The following CREB3L2 variants were observed in gnomAD, a reference collection of about 807,000 sequenced individuals.
The protein encoded by CREB3L2 is cyclic AMP-responsive element-binding protein 3-like protein 2.
In CREB3L2, 23 loss-of-function variants were observed where a neutral mutation model predicts 57.2. The observed-to-expected ratio is 0.40, with a 90% CI of 0.29 to 0.57. CREB3L2 has a LOEUF of 0.57. Ranked by LOEUF, CREB3L2 falls within the 20% of genes least tolerant of loss-of-function variation. The pLI, the probability that CREB3L2 is intolerant of heterozygous loss-of-function variation, is 0.42. For missense variants in CREB3L2, 628 were observed against 634.7 expected, an observed-to-expected ratio of 0.99 and a Z score of 0.11; for synonymous variants, 268 against 265.1, an observed-to-expected ratio of 1.01 and a Z score of -0.11.
intron 1 of CREB3L2, among the ~76,000 whole-genome samples, chr7:137,978,615 G>A (rs1312016298): frequency 6.6e-6 from 1 of 152,152 alleles, no homozygotes; most frequent in East Asian, 1.9e-4. Flanking sequence ...TGGTGAGTGG[G>A]AAAAGAACGT....
intron 4 of CREB3L2, among the ~76,000 whole-genome samples, chr7:137,909,154 C>T (rs1799955277): frequency 6.6e-6 from 1 of 152,196 alleles, no homozygotes; most frequent in South Asian, 2.1e-4. Flanking sequence ...GAGCAATGTG[C>T]GTGGTCATGC....
chr7:137,912,494 G>C (rs1754952868), intron 4 of CREB3L2, among the ~76,000 whole-genome samples: 1 of 151,938 alleles, frequency 6.6e-6, no homozygotes, highest in Non-Finnish European at 1.5e-5. Flanking sequence ...AATAGAGAGG[G>C]GGCTCCTTGC....
chr7:137,968,685 C>T (rs1801450471), intron 1 of CREB3L2, among the ~76,000 whole-genome samples: 1 of 152,158 alleles, frequency 6.6e-6, no homozygotes, highest in African/African-American at 2.4e-5. Context: ...ATCCTCTCAG[C>T]CTCACACTGT....
rs886528108 is a variant in CREB3L2, at chr7:137,878,458, T to C, written c.*2018A>G. On this transcript the variant is annotated 3_prime_UTR_variant, in exon 12 of 12. Coordinates refer to ENST00000330387, the MANE Select transcript of CREB3L2 (RefSeq NM_194071.4). ...TGACAGTTTAAAAGAGAGGGATGGG[T>C]CAGTGGAGGCCCATGGTTACCAGAC... 12 of 232,910 alleles carry C rather than the reference T, an allele frequency of 5.2e-5. No homozygotes were observed. The highest frequency in any genetic ancestry group is 2.4e-4 in the African/African-American group (11 of 45,274). 14.4% of individuals were successfully genotyped at this position (232,910 alleles called of 1,614,324 possible). A position where few individuals can be genotyped will look rare whatever the true frequency, so the allele number is the denominator to read the frequency against.
At chr7:137,951,685 A>C (rs1219596701) in intron 1 of CREB3L2, among the ~76,000 whole-genome samples, 1 of 152,230 alleles carries the variant, frequency 6.6e-6, no homozygotes, top group Non-Finnish European at 1.5e-5. Context: ...AAAGACTGTA[A>C]GAAACACACA....
intron 1 of CREB3L2, among the ~76,000 whole-genome samples, chr7:137,965,027 AGG>A (rs1801386996): frequency 6.6e-6 from 1 of 152,166 alleles, no homozygotes; most frequent in Non-Finnish European, 1.5e-5. Context: ...ACCCAGACTC[AGG>A]TATGTCTTTA....
intron 1 of CREB3L2, among the ~76,000 whole-genome samples, chr7:137,943,744 C>G (rs571707210): frequency 3.9e-5 from 6 of 152,120 alleles, no homozygotes; most frequent in Non-Finnish European, 7.4e-5. Context: ...TTGATATTGT[C>G]GATGAGATGA....
intron 1 of CREB3L2, among the ~76,000 whole-genome samples, chr7:137,973,988 C>T (rs1801562282): frequency 6.6e-6 from 1 of 151,640 alleles, no homozygotes; most frequent in South Asian, 2.1e-4. Context: ...GCACAGGGAA[C>T]CTATCAGAGG....
intron 1 of CREB3L2, among the ~76,000 whole-genome samples, chr7:137,973,574 G>C (rs894525453): frequency 6.6e-6 from 1 of 152,094 alleles, no homozygotes; most frequent in Non-Finnish European, 1.5e-5. Context: ...AGCAGCACAG[G>C]GCCCATCCGA....
At chr7:137,895,225 T>G (rs373231773) in intron 8 of CREB3L2, among the ~76,000 whole-genome samples, 1 of 152,334 alleles carries the variant, frequency 6.6e-6, no homozygotes, top group South Asian at 2.1e-4. Context: ...TTCTCAGGGA[T>G]GAGACCAGGG....
At chr7:137,992,825 G>A (rs909453026) in intron 1 of CREB3L2, among the ~76,000 whole-genome samples, 1 of 152,216 alleles carries the variant, frequency 6.6e-6, no homozygotes, top group Admixed American at 6.5e-5. Flanking sequence ...AGTCCCATGA[G>A]GCCCTGCAGG....
intron 1 of CREB3L2, among the ~76,000 whole-genome samples, chr7:137,987,616 G>C (rs952982149): frequency 2.6e-5 from 4 of 152,182 alleles, no homozygotes; most frequent in African/African-American, 9.7e-5. Flanking sequence ...GTGTTGGGGA[G>C]ACAAGAGATA....
intron 4 of CREB3L2, chr7:137,912,748 G>T: frequency 8.8e-7 from 1 of 1,135,112 alleles, no homozygotes. Context: ...ACCCTGGTTA[G>T]AAGTAAAAGT....
chr7:137,943,597 G>A (rs182179274), intron 1 of CREB3L2, among the ~76,000 whole-genome samples: 3 of 152,140 alleles, frequency 2.0e-5, no homozygotes, highest in Admixed American at 2.0e-4. Flanking sequence ...CATGAGAAAT[G>A]GGGGAGGGAA....
chr7:137,935,195 T>C (rs1563258812), intron 1 of CREB3L2, among the ~76,000 whole-genome samples: 1 of 152,224 alleles, frequency 6.6e-6, no homozygotes, highest in Non-Finnish European at 1.5e-5. Context: ...GTTCCGGCCT[T>C]GTGTCATGAG....
chr7:137,907,941 T>C (rs554977143), intron 5 of CREB3L2, among the ~76,000 whole-genome samples: 348 of 152,364 alleles, frequency 2.3e-3, no homozygotes, highest in African/African-American at 8.0e-3. Context: ...ATATTTATGA[T>C]AGAACTTTGA....
intron 8 of CREB3L2, among the ~76,000 whole-genome samples, chr7:137,891,179 C>A (rs2117184564): frequency 6.6e-6 from 1 of 152,312 alleles, no homozygotes; most frequent in African/African-American, 2.4e-5. Context: ...CAGTGGCTAT[C>A]CTCATGCAGT....
chr7:137,917,088 G>A (rs937650146), intron 2 of CREB3L2, among the ~76,000 whole-genome samples: 6 of 152,052 alleles, frequency 3.9e-5, no homozygotes, highest in African/African-American at 1.4e-4. Flanking sequence ...TCTGCCCTTT[G>A]CTGAAATGGA....
chr7:137,895,650 A>AAAAAAAAAAAAAAAAG (rs1295924394), intron 8 of CREB3L2, among the ~76,000 whole-genome samples: 52 of 150,264 alleles, frequency 3.5e-4, no homozygotes, highest in East Asian at 2.8e-3. Context: ...TACAAAAAAA[A>AAAAAAAAAAAAAAAAG]AAAGAAAGAA....
Sources: gnomAD v4.1 joint callset for allele counts (sites outside exome capture counted in the v4.1 genomes callset) on GRCh38, gnomAD v4.1.1 for gene constraint, MANE v1.5 for transcripts, NCBI Gene and HGNC (gene_info 2026-07-23, HGNC 2026-07-21) for gene names.